Variants in TAOK3 observed in about 807,000 individuals in gnomAD.
TAOK3 encodes TAO kinase 3, also known as serine/threonine-protein kinase TAO3.
TAOK3 carries 40 observed loss-of-function variants against 120.4 expected under a neutral mutation model. That is an observed-to-expected ratio of 0.33 (90% CI 0.26 to 0.43). The LOEUF is 0.43. TAOK3 is among the 20% of genes least tolerant of loss of function. The pLI, the probability that TAOK3 is intolerant of heterozygous loss-of-function variation, is 1.00. For synonymous variants in TAOK3, 355 were observed against 387.5 expected (o/e 0.92, Z 0.99); for missense variants, 821 against 1,112.1 (o/e 0.74, Z 3.72).
intron 9 of TAOK3, among the ~76,000 whole-genome samples, chr12:118,231,597 T>C (rs2039785258): frequency 2.0e-5 from 3 of 152,094 alleles, no homozygotes; most frequent in Admixed American, 2.0e-4. Context: ...TTAATAGAAT[T>C]ACATGAAATT....
intron 7 of TAOK3, among the ~76,000 whole-genome samples, chr12:118,237,201 GC>G (rs2040053094): frequency 6.6e-6 from 1 of 152,102 alleles, no homozygotes; most frequent in Non-Finnish European, 1.5e-5. Context: ...AGTGGTCATG[GC>G]TACACTGGGG....
At chr12:118,157,023 A>G (rs957778940) in intron 19 of TAOK3, among the ~76,000 whole-genome samples, 4 of 152,242 alleles carry the variant, frequency 2.6e-5, no homozygotes, top group Admixed American at 6.5e-5. Context: ...TACAGGCATG[A>G]GCCACCATGC....
chr12:118,194,940 A>AT (rs1008615950), intron 13 of TAOK3, among the ~76,000 whole-genome samples: 8 of 151,834 alleles, frequency 5.3e-5, no homozygotes, highest in Non-Finnish European at 1.0e-4. Context: ...GTAGAGACAG[A>AT]TTTTCACCAT....
intron 2 of TAOK3, among the ~76,000 whole-genome samples, chr12:118,263,004 A>G (rs1382768253): frequency 6.6e-6 from 1 of 152,218 alleles, no homozygotes; most frequent in Non-Finnish European, 1.5e-5. Flanking sequence ...TCTAAAATTC[A>G]TATGAGAATT....
In TAOK3 at chr12:118,255,359, C is replaced by T. The variant is rs1007193894; in HGVS notation, c.120+89G>A. ...CCTCCCACCTTGGCCTTGCAAAGTG[C>T]TAGGATTACAGGCGTGAGTCACTGT... On this transcript the variant is annotated intron_variant, in intron 3 of 20. Coordinates refer to ENST00000392533, the MANE Select transcript of TAOK3 (RefSeq NM_016281.4). 6.2e-6 allele frequency: 9 copies of T among 1,451,596 alleles called. No homozygotes were observed. In the African/African-American group the frequency reaches 1.3e-4, roughly 21 times the overall value. 89.9% of individuals were successfully genotyped at this position (1,451,596 alleles called of 1,614,324 possible). A position where few individuals can be genotyped will look rare whatever the true frequency, so the allele number is the denominator to read the frequency against.
intron 14 of TAOK3, 116 bp downstream of exon 14, chr12:118,189,691 A>T: frequency 7.8e-7 from 1 of 1,277,268 alleles, no homozygotes; most frequent in East Asian, 2.3e-5. Context: ...GAGAGAAAAC[A>T]TTCTTGACTC....
intron 1 of TAOK3, among the ~76,000 whole-genome samples, chr12:118,270,117 T>C (rs942711300): frequency 1.3e-5 from 2 of 152,216 alleles, no homozygotes. Context: ...CACTAGACAG[T>C]ACTGACCATT....
rs114830754 is a variant in TAOK3, at chr12:118,284,047, T to A, written c.-193-17288A>T. 6.8e-3 allele frequency among the ~76,000 whole-genome samples: 1,031 copies of A among 152,272 alleles called. 15 individuals carry two copies. Among genetic ancestry groups the A allele is most frequent in the African/African-American group, 0.023 (966 of 41,564 alleles). ...AGTAACATACAGGCCGGACAAAGAATATTTTGTTTAAAAATATTGTGCACA... is the reference window on the plus strand; with the variant it reads ...AGTAACATACAGGCCGGACAAAGAAAATTTTGTTTAAAAATATTGTGCACA... On this transcript the variant is annotated intron_variant, in intron 1 of 20. Transcript: ENST00000392533.
chr12:118,191,840 T>C (rs1180580644), intron 13 of TAOK3, among the ~76,000 whole-genome samples: 2 of 152,182 alleles, frequency 1.3e-5, no homozygotes, highest in East Asian at 3.8e-4. Context: ...AGCTCTTAAA[T>C]GCCAGTAATC....
At chr12:118,295,452 G>A (rs936462233) in intron 1 of TAOK3, 3 of 152,108 alleles carry the variant, frequency 2.0e-5, no homozygotes, top group Admixed American at 6.6e-5. Context: ...TCTGACCTTG[G>A]TCGGTATACT....
chr12:118,271,653 G>A (rs908265855), intron 1 of TAOK3, among the ~76,000 whole-genome samples: 2 of 152,088 alleles, frequency 1.3e-5, no homozygotes, highest in African/African-American at 2.4e-5. Context: ...GTTTTTAGGC[G>A]GATATATGTT....
intron 5 of TAOK3, among the ~76,000 whole-genome samples, chr12:118,240,178 C>CTTT (rs57739118): frequency 1.5e-5 from 2 of 134,294 alleles, no homozygotes; most frequent in African/African-American, 2.7e-5. Context: ...TTTCTTTACT[C>CTTT]TTTTTTTTTT....
chr12:118,243,328 G>T, intron 5 of TAOK3, 87 bp downstream of exon 5: 2 of 715,654 alleles, frequency 2.8e-6, no homozygotes, highest in East Asian at 2.8e-5. Flanking sequence ...AATGAAATTA[G>T]TAATTTTACA....
chr12:118,270,075 T>G (rs1399387573), intron 1 of TAOK3, among the ~76,000 whole-genome samples: 1 of 152,230 alleles, frequency 6.6e-6, no homozygotes, highest in Non-Finnish European at 1.5e-5. Flanking sequence ...TCTTAATTTC[T>G]GCCCATTTAA....
intron 1 of TAOK3, among the ~76,000 whole-genome samples, chr12:118,308,931 C>CAAAAAA: frequency 3.3e-5 from 1 of 30,058 alleles, no homozygotes; most frequent in Non-Finnish European, 6.6e-5. Flanking sequence ...ACTCTGTCTC[C>CAAAAAA]AAAAAAAAAA....
chr12:118,257,789 G>C (rs1161914352), intron 2 of TAOK3, among the ~76,000 whole-genome samples: 1 of 152,016 alleles, frequency 6.6e-6, no homozygotes, highest in Non-Finnish European at 1.5e-5. Context: ...AGTATACACA[G>C]GTCATCAACC....
intron 1 of TAOK3, among the ~76,000 whole-genome samples, chr12:118,281,253 G>A (rs1327261939): frequency 2.6e-5 from 4 of 152,016 alleles, no homozygotes; most frequent in Non-Finnish European, 5.9e-5. Context: ...GTGGTGATAG[G>A]GTCTTGTTCT....
At chr12:118,273,450 C>T (rs538825764) in intron 1 of TAOK3, among the ~76,000 whole-genome samples, 7 of 151,948 alleles carry the variant, frequency 4.6e-5, no homozygotes, top group South Asian at 2.1e-4. Flanking sequence ...TGCAGTGAGC[C>T]GAGATCGGCA....
chr12:118,358,757 A>G (rs573799359), intron 1 of TAOK3, among the ~76,000 whole-genome samples: 4 of 152,338 alleles, frequency 2.6e-5, no homozygotes, highest in East Asian at 3.9e-4. Flanking sequence ...CATGAATCCA[A>G]TGACTTTTGA....
Sources: gnomAD v4.1 joint callset for allele counts (sites outside exome capture counted in the v4.1 genomes callset) on GRCh38, gnomAD v4.1.1 for gene constraint, MANE v1.5 for transcripts, NCBI Gene and HGNC (gene_info 2026-07-23, HGNC 2026-07-21) for gene names.